RBCK1: variants seen among roughly 807,000 people sequenced by gnomAD.
RBCK1 encodes the protein ranBP-type and C3HC4-type zinc finger-containing protein 1.
In RBCK1, 44 loss-of-function variants were observed where a neutral mutation model predicts 71.1. The observed-to-expected ratio is 0.62, with a 90% CI of 0.49 to 0.80. The LOEUF (loss-of-function observed/expected upper bound fraction) is 0.80. Ranked by LOEUF, RBCK1 falls within the 30% of genes least tolerant of loss-of-function variation. The pLI, the probability that RBCK1 is intolerant of heterozygous loss-of-function variation, is 0.00. For missense variants in RBCK1, 569 were observed against 685.0 expected (o/e 0.83, Z 1.89); for synonymous variants, 306 against 279.7 (o/e 1.09, Z -0.94).
At chr20:425,668 C>A (rs1398667716) in intron 8 of RBCK1, among the ~76,000 whole-genome samples, 4 of 141,616 alleles carry the variant, frequency 2.8e-5, no homozygotes, top group Non-Finnish European at 6.0e-5. Context: ...ACTCTGTTGC[C>A]TAAGCTGGAG....
intron 7 of RBCK1, 29 bp downstream of exon 7, chr20:421,060 T>C: frequency 6.6e-7 from 1 of 1,512,466 alleles, no homozygotes; most frequent in Non-Finnish European, 8.9e-7. Flanking sequence ...CCCCCGGCAA[T>C]GCAGCTTAAT....
chr20:428,396 A>C lies in RBCK1; in HGVS notation c.1210-95A>C. The C allele has an allele frequency of 1.3e-6, 1 of 764,934 alleles. No homozygotes were observed. The highest frequency in any genetic ancestry group is 2.1e-6 in the Non-Finnish European group (1 of 478,638). The allele number at this position is 764,934 out of a possible 1,614,324, so 47.4% of individuals were successfully genotyped here. On this transcript the variant is annotated intron_variant, in intron 9 of 11. Transcript: ENST00000356286. This position sits in a 1 kb window ranked among gnomAD's most constrained non-coding sequence, Gnocchi z 5.7. ...GCCAGTGACTACACCTAGAGGCATT[A>C]AGTGCCTTTGTGGACTCCTGCCCTG...
chr20:413,239 AAT>A (rs1178497642), intron 2 of RBCK1, among the ~76,000 whole-genome samples: 1 of 152,096 alleles, frequency 6.6e-6, no homozygotes, highest in Non-Finnish European at 1.5e-5. Flanking sequence ...GTTCTTTTTC[AAT>A]ATTGTTTTGG....
rs768576248 is a variant in RBCK1, at chr20:417,157, A to C, written c.168-369A>C. 4.1e-6 allele frequency: 2 copies of C among 487,530 alleles called. No homozygotes were observed. The highest frequency in any genetic ancestry group is 8.4e-6 in the Non-Finnish European group (2 of 238,290). 30.2% of individuals were successfully genotyped at this position (487,530 alleles called of 1,614,324 possible). On this transcript the variant is annotated intron_variant, in intron 2 of 11. Transcript: ENST00000356286. This position sits in a 1 kb window ranked among gnomAD's most constrained non-coding sequence, Gnocchi z 4.7. ...TTGAGAGGATTAAATGAGTTAATAC[A>C]CATGAAGTGCATTAAATAGTCTTAG...
In RBCK1 at chr20:419,717, C is replaced by T. The variant is rs993862197; in HGVS notation, c.742C>T (p.Arg248Cys). The change falls in exon 6 of 12, where the codon CGT becomes TGT. Residue 248 changes from arginine to cysteine, a missense_variant. By Grantham distance (180) the Arg-to-Cys change is radical. Coordinates refer to ENST00000356286, the MANE Select transcript of RBCK1 (RefSeq NM_031229.4). ...CCTGGCGGGCGAGGAGGAGGCGCTG[C>T]GTCAGTACCAGCAGGTGGGCGGGAA... ...ARLAGEEEAL[R>C]QYQQRKQQQQ... is the part of the protein sequence containing the mutation. 6 of 1,561,528 alleles carry T rather than the reference C, an allele frequency of 3.8e-6. No homozygotes were observed. Among genetic ancestry groups the T allele is most frequent in the South Asian group, 3.5e-5 (3 of 85,602 alleles).
At chr20:424,904 T>C (rs984591857) in intron 8 of RBCK1, among the ~76,000 whole-genome samples, 16 of 152,196 alleles carry the variant, frequency 1.1e-4, no homozygotes, top group African/African-American at 3.9e-4. Context: ...AAAATATGCC[T>C]CACCACATAG....
intron 8 of RBCK1, among the ~76,000 whole-genome samples, chr20:423,591 AAAT>A (rs2016557272): frequency 6.6e-6 from 1 of 152,358 alleles, no homozygotes; most frequent in Admixed American, 6.5e-5. Context: ...TAGGTATTAT[AAAT>A]AATCTACAGA....
At position 428,237 on chromosome 20, in the gene RBCK1, C is replaced by T. The variant is rs554643499; in HGVS notation, c.1210-254C>T. Among the ~76,000 whole-genome samples, 203 of 152,310 alleles carry T rather than the reference C, an allele frequency of 1.3e-3. 2 individuals are homozygous for T. Among genetic ancestry groups the T allele is most frequent in the Middle Eastern group, 0.01 (3 of 294 alleles). ...CTTAAATAAGCTGGGTGTGGCAGCA[C>T]ATGTCAGTGGTCCCAGCTACTCAGG... On this transcript the variant is annotated intron_variant, in intron 9 of 11. Transcript: ENST00000356286. The surrounding 1 kb of genome is among the most constrained non-coding windows in gnomAD (Gnocchi z 5.7).
At chr20:420,100 C>A in intron 6 of RBCK1, 1 of 984,604 alleles carries the variant, frequency 1.0e-6, no homozygotes, top group Non-Finnish European at 1.2e-6. Flanking sequence ...TCAGCTCGGA[C>A]CTCACCCCCA....
intron 8 of RBCK1, among the ~76,000 whole-genome samples, chr20:423,681 C>T (rs2016559740): frequency 6.6e-6 from 1 of 152,096 alleles, no homozygotes; most frequent in Admixed American, 6.6e-5. Context: ...GTTTGAGCAT[C>T]CATGGATTTG....
rs999354099 is a variant in RBCK1 at position 408,625 on chromosome 20, G to A, written c.-133G>A. 4.2e-6 allele frequency: 5 copies of A among 1,177,446 alleles called. No individual in the cohort carries two copies. Among genetic ancestry groups the A allele is most frequent in the Non-Finnish European group, 3.7e-6 (3 of 811,908 alleles). The allele number at this position is 1,177,446 out of a possible 1,614,324, so 72.9% of individuals were successfully genotyped here. A position where few individuals can be genotyped will look rare whatever the true frequency, so the allele number is the denominator to read the frequency against. On this transcript the variant is annotated 5_prime_UTR_variant, in exon 1 of 12. Coordinates refer to ENST00000356286, the MANE Select transcript of RBCK1 (RefSeq NM_031229.4). The stretch of plus-strand genomic sequence containing the variant: ...CCGCGGGGACAGCGAGGCACACACA[G>A]GGCTTGGGCCGCGCCGGAGGCCACA...
intron 2 of RBCK1, among the ~76,000 whole-genome samples, chr20:414,185 G>A (rs959333328): frequency 6.6e-6 from 1 of 152,130 alleles, no homozygotes; most frequent in East Asian, 1.9e-4. Context: ...GGCTCAGGCA[G>A]GAGAATGGCT....
In RBCK1 at chr20:419,683, G is replaced by C. The variant is rs2016252425; in HGVS notation, c.708G>C (p.Glu236Asp). Reference sequence around the variant, plus strand: ...CCTCATACCAGCCCGACGAGGAGGAGCGAGCGCGCCTGGCGGGCGAGGAGG... The same window carrying C: ...CCTCATACCAGCCCGACGAGGAGGACCGAGCGCGCCTGGCGGGCGAGGAGG... ...VPASYQPDEE[E>D]RARLAGEEEA... is the part of the protein sequence containing the mutation. Residue 236 changes from glutamate to aspartate, a missense_variant, in exon 6 of 12, where the codon GAG (glutamate) becomes GAC (aspartate). Physicochemically the swap from Glu to Asp is conservative, Grantham distance 45. This residue lies in a region of RBCK1 where 358 missense variants were observed against 375.6 expected (regional missense o/e 0.95). Transcript: ENST00000356286. 6.3e-7 allele frequency: 1 copy of C among 1,577,998 alleles called. No homozygotes were observed. Among genetic ancestry groups the C allele is most frequent in the South Asian group, 1.1e-5 (1 of 87,068 alleles).
intron 2 of RBCK1, among the ~76,000 whole-genome samples, chr20:416,369 C>G (rs926763726): frequency 6.6e-6 from 1 of 151,826 alleles, no homozygotes; most frequent in Non-Finnish European, 1.5e-5. Flanking sequence ...ACCGTGTTAG[C>G]CAGGATGGTC....
chr20:422,251 G>C lies in RBCK1; in HGVS notation c.1029+13G>C, dbSNP rs1224370964. ...GGAGATCAAGGCGGTAAGGCCTCAG[G>C]GTGGGAGACATACCCCAAGTCCCAA... On this transcript the variant is annotated intron_variant, in intron 8 of 11. Transcript: ENST00000356286. The surrounding 1 kb of genome is among the most constrained non-coding windows in gnomAD (Gnocchi z 5.0). 1 of 1,610,122 alleles carries C rather than the reference G, an allele frequency of 6.2e-7. No homozygotes were observed. The highest frequency in any genetic ancestry group is 8.5e-7 in the Non-Finnish European group (1 of 1,177,098).
chr20:428,710 C>A lies in RBCK1; in HGVS notation c.1308+121C>A. 7.4e-7 allele frequency: 1 copy of A among 1,355,388 alleles called. No individual in the cohort carries two copies. The highest frequency in any genetic ancestry group is 9.9e-7 in the Non-Finnish European group (1 of 1,014,240). 84.0% of individuals were successfully genotyped at this position (1,355,388 alleles called of 1,614,324 possible). On this transcript the variant is annotated intron_variant, in intron 10 of 11. Transcript: ENST00000356286. This position sits in a 1 kb window ranked among gnomAD's most constrained non-coding sequence, Gnocchi z 5.7. ...CTGGAGGCTCTGACCTCCCTTCTGG[C>A]TGTCACTCCCATCCGGAGGTGGGAC... is the stretch of plus-strand genomic sequence containing the variant.
chr20:423,010 A>G (rs2016526475), intron 8 of RBCK1, among the ~76,000 whole-genome samples: 1 of 152,098 alleles, frequency 6.6e-6, no homozygotes, highest in Non-Finnish European at 1.5e-5. Flanking sequence ...TAGAATTCAT[A>G]GTAGTACATC....
chr20:417,532 G>T lies in RBCK1; in HGVS notation c.174G>T (p.Trp58Cys). ...EVSPTQDIRL[W>C]VSVEDAQMHT... ...CCCCTGCTGTTCTCTGCAGGCTGTG[G>T]GTGAGCGTGGAGGATGCTCAGATGC... The change falls in exon 3 of 12, where the codon TGG becomes TGT. Residue 58 changes from tryptophan to cysteine, a missense_variant. Physicochemically the swap from Trp to Cys is radical, Grantham distance 215. Transcript: ENST00000356286. This position sits in a 1 kb window ranked among gnomAD's most constrained non-coding sequence, Gnocchi z 4.7. 6.2e-7 allele frequency: 1 copy of T among 1,613,226 alleles called. No individual in the cohort carries two copies. Among genetic ancestry groups the T allele is most frequent in the Non-Finnish European group, 8.5e-7 (1 of 1,179,958 alleles).
At position 431,369 on chromosome 20, in the gene RBCK1, C is replaced by T. The variant is rs929768558; in HGVS notation, c.*939C>T. 3.9e-5 allele frequency among the ~76,000 whole-genome samples: 6 copies of T among 152,140 alleles called. No homozygotes were observed. The highest frequency in any genetic ancestry group is 9.7e-5 in the African/African-American group (4 of 41,422). On this transcript the variant is annotated 3_prime_UTR_variant, in exon 12 of 12. Coordinates refer to ENST00000356286, the MANE Select transcript of RBCK1 (RefSeq NM_031229.4). This position sits in a 1 kb window ranked among gnomAD's most constrained non-coding sequence, Gnocchi z 4.8. ...GGTGGGGTTGTCCATCCTATTTTCT[C>T]GTCTCAAGCAAGATGGCACAGTATC...
Sources: allele counts gnomAD v4.1 joint callset (sites outside exome capture counted in the v4.1 genomes callset), GRCh38; gene constraint gnomAD v4.1.1; regional missense constraint gnomAD v4.1.1; non-coding constraint Gnocchi (gnomAD v3.1); transcripts MANE v1.5; gene names NCBI Gene and HGNC (gene_info 2026-07-23, HGNC 2026-07-21).